The following VCL variants were observed in gnomAD, a reference collection of about 807,000 sequenced individuals.
The protein encoded by VCL is epididymis luminal protein 114.
In VCL, 47 loss-of-function variants were observed where a neutral mutation model predicts 125.7. That is an observed-to-expected ratio of 0.37 (90% CI 0.30 to 0.48). The LOEUF (loss-of-function observed/expected upper bound fraction) is 0.48, where lower values mean the gene tolerates loss of function less well. Ranked by LOEUF, VCL falls within the 20% of genes least tolerant of loss-of-function variation. The pLI, the probability that VCL is intolerant of heterozygous loss-of-function variation, is 0.99. For missense variants in VCL, 1,069 were observed against 1,455.5 expected, an observed-to-expected ratio of 0.73 and a Z score of 4.32; for synonymous variants, 458 against 514.6, an observed-to-expected ratio of 0.89 and a Z score of 1.49.
intron 21 of VCL, 87 bp downstream of exon 21, chr10:74,114,986 CTTAA>C (rs1564535953): frequency 2.4e-6 from 3 of 1,240,770 alleles, no homozygotes; most frequent in African/African-American, 3.0e-5. Context: ...AATTTTACCC[CTTAA>C]TTGAGTATCG....
At chr10:74,041,775 T>C (rs1400764038) in intron 1 of VCL, among the ~76,000 whole-genome samples, 1 of 150,516 alleles carries the variant, frequency 6.6e-6, no homozygotes, top group Non-Finnish European at 1.5e-5. Context: ...TGGTGGCACA[T>C]GCCTGTAGTC....
chr10:74,002,364 A>T (rs1287426556), intron 1 of VCL, among the ~76,000 whole-genome samples: 1 of 151,986 alleles, frequency 6.6e-6, no homozygotes, highest in African/African-American at 2.4e-5. Context: ...ACCTCAGGTT[A>T]TCCGCCCGCC....
At chr10:74,098,307 C>T (rs374588172) in intron 13 of VCL, among the ~76,000 whole-genome samples, 14 of 152,348 alleles carry the variant, frequency 9.2e-5, no homozygotes, top group Admixed American at 4.6e-4. Context: ...ACCACCCCAA[C>T]TACTATCCCC....
rs1406371942 is a variant in VCL, at chr10:74,095,760, C to G, written c.1648C>G (p.Gln550Glu). ...TCTCGCCAAGTGTGACCGAGTGGAC[C>G]AGCTGACAGCCCAGCTGGCTGACCT... ...DLLAKCDRVD[Q>E]LTAQLADLAA... The change falls in exon 12 of 22, where the codon CAG (glutamine) becomes GAG (glutamate). Residue 550 changes from glutamine to glutamate, a missense_variant. Physicochemically the swap from Gln to Glu is conservative, Grantham distance 29. Coordinates refer to ENST00000211998, the MANE Select transcript of VCL (RefSeq NM_014000.3). 25 of 1,614,172 alleles carry G rather than the reference C, an allele frequency of 1.5e-5. No individual in the cohort carries two copies. Among genetic ancestry groups the G allele is most frequent in the Non-Finnish European group, 2.0e-5 (24 of 1,180,044 alleles).
intron 10 of VCL, among the ~76,000 whole-genome samples, chr10:74,091,476 G>A (rs1356525402): frequency 3.3e-5 from 5 of 152,072 alleles, no homozygotes; most frequent in African/African-American, 9.7e-5. Context: ...GAATCATAAA[G>A]GAACTCTTAA....
chr10:74,072,618 G>T, intron 4 of VCL, 112 bp from the exon 5 acceptor site: 1 of 1,500,996 alleles, frequency 6.7e-7, no homozygotes, highest in Non-Finnish European at 9.2e-7. Context: ...GTTTAAATAA[G>T]TGAGCAATCG....
At chr10:74,011,739 A>G (rs1840440020) in intron 1 of VCL, among the ~76,000 whole-genome samples, 1 of 152,176 alleles carries the variant, frequency 6.6e-6, no homozygotes, top group Admixed American at 6.6e-5. Context: ...AAACGATATT[A>G]TATTGTGTTG....
At chr10:73,999,049 A>G (rs1840173864) in intron 1 of VCL, among the ~76,000 whole-genome samples, 1 of 152,016 alleles carries the variant, frequency 6.6e-6, no homozygotes, top group Admixed American at 6.6e-5. Context: ...ACCTTTATGC[A>G]GTCATTCGTG....
At chr10:74,000,259 C>CTTTTTTTT (rs34197555) in intron 1 of VCL, among the ~76,000 whole-genome samples, 4 of 114,826 alleles carry the variant, frequency 3.5e-5, no homozygotes, top group Non-Finnish European at 6.9e-5. Context: ...TTGTATTTTG[C>CTTTTTTTT]TTTTTTTTTT....
intron 1 of VCL, among the ~76,000 whole-genome samples, chr10:74,008,023 C>T (rs552534000): frequency 3.9e-5 from 6 of 152,128 alleles, no homozygotes; most frequent in South Asian, 2.1e-4. Flanking sequence ...AGTCTGGTCT[C>T]GAAGTCCTGA....
At chr10:74,060,377 G>C (rs1171361379) in intron 2 of VCL, among the ~76,000 whole-genome samples, 2 of 152,120 alleles carry the variant, frequency 1.3e-5, no homozygotes, top group Non-Finnish European at 2.9e-5. Context: ...TGCAGGCAGA[G>C]TGTGGTGGCT....
At chr10:74,018,166 GATATATATAGGATATAT>G (rs1436337836) in intron 1 of VCL, among the ~76,000 whole-genome samples, 2 of 65,360 alleles carry the variant, frequency 3.1e-5, no homozygotes, top group African/African-American at 9.7e-5. Context: ...AAAATGTGAG[GATATATATAGGATATAT>G]ATATATATAT....
chr10:74,031,522 T>G (rs887856333), intron 1 of VCL, among the ~76,000 whole-genome samples: 1 of 152,034 alleles, frequency 6.6e-6, no homozygotes, highest in African/African-American at 2.4e-5. Context: ...AACATGGGAG[T>G]AAATCTTCAT....
chr10:74,033,473 A>G (rs907998563), intron 1 of VCL, among the ~76,000 whole-genome samples: 1 of 152,160 alleles, frequency 6.6e-6, no homozygotes, highest in Non-Finnish European at 1.5e-5. Flanking sequence ...TGTCTTAACG[A>G]CACCATTAAC....
At chr10:74,091,552 G>A (rs186225559) in intron 10 of VCL, among the ~76,000 whole-genome samples, 5 of 152,028 alleles carry the variant, frequency 3.3e-5, no homozygotes, top group Admixed American at 6.5e-5. Context: ...GGCTGAGGGC[G>A]TGTGGATCAC....
intron 2 of VCL, among the ~76,000 whole-genome samples, chr10:74,066,061 A>ATATATATT (rs1441211975): frequency 2.2e-4 from 30 of 137,484 alleles, no homozygotes; most frequent in African/African-American, 7.6e-4. Context: ...ATATATATAT[A>ATATATATT]TTTTTTTTTT....
At chr10:74,039,078 A>AT (rs1256501571) in intron 1 of VCL, among the ~76,000 whole-genome samples, 1 of 151,622 alleles carries the variant, frequency 6.6e-6, no homozygotes, top group Non-Finnish European at 1.5e-5. Context: ...CGCCCAGCTA[A>AT]TTTTTGTATT....
At chr10:74,022,592 A>G (rs970541970) in intron 1 of VCL, among the ~76,000 whole-genome samples, 1 of 87,598 alleles carries the variant, frequency 1.1e-5, no homozygotes, top group Non-Finnish European at 2.4e-5. Context: ...AAATAAATAA[A>G]TAAATAAATA....
chr10:74,007,087 C>T (rs1024431552), intron 1 of VCL, among the ~76,000 whole-genome samples: 3 of 151,998 alleles, frequency 2.0e-5, no homozygotes, highest in South Asian at 2.1e-4. Context: ...CGCAGCCTCC[C>T]GAGTAGTTGG....
Sources: allele counts gnomAD v4.1 joint callset (sites outside exome capture counted in the v4.1 genomes callset), GRCh38; gene constraint gnomAD v4.1.1; transcripts MANE v1.5; gene names NCBI Gene and HGNC (gene_info 2026-07-23, HGNC 2026-07-21).